Variants in ASTN2 observed in about 807,000 individuals in gnomAD.
ASTN2 encodes the protein astrotactin-2.
In ASTN2, 54 loss-of-function variants were observed where a neutral mutation model predicts 139.8. The ratio of observed to expected loss-of-function variants is 0.39; its 90% CI spans 0.31 to 0.48. The LOEUF (loss-of-function observed/expected upper bound fraction) is 0.48, where lower values mean the gene tolerates loss of function less well. ASTN2 is among the 20% of genes least tolerant of loss of function. The probability of loss-of-function intolerance (pLI) is 0.95; values close to 1 mark genes in which losing one functional copy is unlikely to be tolerated. For missense variants in ASTN2, 1,565 were observed against 1,725.1 expected (o/e 0.91, Z 1.64); for synonymous variants, 756 against 719.5 (o/e 1.05, Z -0.81).
At chr9:117,052,222 T>C (rs1484872832) in intron 5 of ASTN2, among the ~76,000 whole-genome samples, 1 of 151,914 alleles carries the variant, frequency 6.6e-6, no homozygotes, top group African/African-American at 2.4e-5. Context: ...GGGCGGATCA[T>C]GAGGTCAGGA....
At chr9:117,298,724 G>C (rs1834802201) in intron 1 of ASTN2, among the ~76,000 whole-genome samples, 2 of 145,480 alleles carry the variant, frequency 1.4e-5, no homozygotes, top group Non-Finnish European at 3.0e-5. Context: ...GTGTGTGTGT[G>C]TGTGTGTGTA....
At chr9:116,475,820 A>T (rs2119031613) in intron 20 of ASTN2, among the ~76,000 whole-genome samples, 1 of 152,222 alleles carries the variant, frequency 6.6e-6, no homozygotes, top group Admixed American at 6.5e-5. Context: ...ATGGAGCCCA[A>T]CTTGGATGAT....
At chr9:117,022,469 AC>A (rs1168889141) in intron 6 of ASTN2, among the ~76,000 whole-genome samples, 1 of 151,894 alleles carries the variant, frequency 6.6e-6, no homozygotes, top group Admixed American at 6.6e-5. Flanking sequence ...AAAACAAAAA[AC>A]AAAAAAACAA....
chr9:117,288,517 G>T (rs1193240232), intron 2 of ASTN2, among the ~76,000 whole-genome samples: 1 of 152,228 alleles, frequency 6.6e-6, no homozygotes, highest in Non-Finnish European at 1.5e-5. Context: ...TCAGGGCCAT[G>T]ATGTCATGAA....
Position 116,487,688 on chromosome 9 carries a change from C to T in ASTN2, c.3356-188G>A, listed in dbSNP as rs16933596. Among the ~76,000 whole-genome samples the T allele has an allele frequency of 0.016, 2,447 of 152,202 alleles. 275 individuals are homozygous for T. In the South Asian group the frequency reaches 0.26, roughly 16 times the overall value. On this transcript the variant is annotated intron_variant, in intron 19 of 22. Coordinates refer to ENST00000313400, the MANE Select transcript of ASTN2 (RefSeq NM_001365068.1). Reference sequence around the variant, plus strand: ...TGATGACTCTTTGTTCATATTTATGCGCAATTTTTTCATCCATAAAGTGGA... The same window carrying T: ...TGATGACTCTTTGTTCATATTTATGTGCAATTTTTTCATCCATAAAGTGGA...
At chr9:117,183,569 G>T (rs903813007) in intron 3 of ASTN2, among the ~76,000 whole-genome samples, 1 of 152,160 alleles carries the variant, frequency 6.6e-6, no homozygotes, top group Non-Finnish European at 1.5e-5. Flanking sequence ...TTACTAATTT[G>T]CCCAAGGTTA....
Position 117,325,603 on chromosome 9 carries a change from C to T in ASTN2, c.443-34090G>A, listed in dbSNP as rs1828488129. 1.3e-5 allele frequency among the ~76,000 whole-genome samples: 2 copies of T among 152,104 alleles called. 1 individual carries two copies. Among genetic ancestry groups the T allele is most frequent in the South Asian group, 4.1e-4 (2 of 4,820 alleles). Reference sequence around the variant, plus strand: ...TCATCAATTCCCCCATAATTACCTGCTGTGTGTCCTCACGGAGACTGATAA... The same window carrying T: ...TCATCAATTCCCCCATAATTACCTGTTGTGTGTCCTCACGGAGACTGATAA... On this transcript the variant is annotated intron_variant, in intron 1 of 22. Coordinates refer to ENST00000313400, the MANE Select transcript of ASTN2 (RefSeq NM_001365068.1).
chr9:116,733,778 T>C (rs1261137393), intron 13 of ASTN2, among the ~76,000 whole-genome samples: 2 of 152,192 alleles, frequency 1.3e-5, no homozygotes, highest in African/African-American at 2.4e-5. Context: ...ACTGTTCCTC[T>C]CAGAACCTCA....
intron 12 of ASTN2, among the ~76,000 whole-genome samples, chr9:116,820,247 C>A (rs1047034930): frequency 2.6e-5 from 4 of 152,170 alleles, no homozygotes; most frequent in African/African-American, 9.7e-5. Context: ...ATACCTGAAG[C>A]CTTTGTGAAC....
At chr9:117,335,317 C>T (rs151206326) in intron 1 of ASTN2, among the ~76,000 whole-genome samples, 1 of 152,260 alleles carries the variant, frequency 6.6e-6, no homozygotes, top group East Asian at 1.9e-4. Context: ...GAAATGATAT[C>T]TCCAAATTGC....
intron 5 of ASTN2, among the ~76,000 whole-genome samples, chr9:117,046,497 A>T (rs1393475415): frequency 6.6e-6 from 1 of 152,196 alleles, no homozygotes; most frequent in Non-Finnish European, 1.5e-5. Flanking sequence ...ACCATGTCTG[A>T]CATATACTTA....
chr9:117,296,331 A>AATT (rs1834737394), intron 1 of ASTN2, among the ~76,000 whole-genome samples: 1 of 151,124 alleles, frequency 6.6e-6, no homozygotes, highest in Non-Finnish European at 1.5e-5. Flanking sequence ...AAAGAAATGT[A>AATT]ATTCACACAC....
chr9:117,305,669 A>G (rs1834980208), intron 1 of ASTN2, among the ~76,000 whole-genome samples: 1 of 152,268 alleles, frequency 6.6e-6, no homozygotes, highest in African/African-American at 2.4e-5. Context: ...GTATCACAGT[A>G]CCTAGACAGT....
At chr9:116,732,393 C>A (rs185568558) in intron 14 of ASTN2, among the ~76,000 whole-genome samples, 1 of 152,200 alleles carries the variant, frequency 6.6e-6, no homozygotes, top group African/African-American at 2.4e-5. Context: ...TTAGATGACT[C>A]TTTTGAGGTT....
chr9:117,030,762 A>G (rs1187056341), intron 6 of ASTN2, among the ~76,000 whole-genome samples: 1 of 152,084 alleles, frequency 6.6e-6, no homozygotes, highest in East Asian at 1.9e-4. Flanking sequence ...ATTTGAAGAA[A>G]AAAAAAAAAG....
chr9:116,442,380 T>G, intron 21 of ASTN2, 73 bp downstream of exon 21: 1 of 1,157,532 alleles, frequency 8.6e-7, no homozygotes, highest in South Asian at 1.2e-5. Context: ...TGTTTAATGA[T>G]TAGTGACTGT....
At chr9:116,451,817 A>C (rs564757726) in intron 20 of ASTN2, among the ~76,000 whole-genome samples, 5 of 114,046 alleles carry the variant, frequency 4.4e-5, no homozygotes, top group Non-Finnish European at 8.7e-5. Flanking sequence ...TAAATATATA[A>C]ATACTATGCA....
At position 116,487,403 on chromosome 9, in the gene ASTN2, G is replaced by C. The variant is rs1416642321; in HGVS notation, c.3453C>G (p.Ile1151Met). 1.2e-6 allele frequency: 2 copies of C among 1,613,962 alleles called. No homozygotes were observed. The highest frequency in any genetic ancestry group is 2.2e-5 in the East Asian group (1 of 44,882). The change falls in exon 20 of 23, where the codon ATC becomes ATG. Residue 1151 changes from isoleucine to methionine, a missense_variant. Ile to Met is a conservative substitution (Grantham distance 10). Coordinates refer to ENST00000313400, the MANE Select transcript of ASTN2 (RefSeq NM_001365068.1). ...RSHGEVPEVS[I>M]YSVIFKCLEP... ...CCAGACACTTGAAGATGACTGAGTA[G>C]ATACTGACTTCAGGGACCTCTCCAT...
Position 116,439,269 on chromosome 9 carries a change from C to T in ASTN2, c.3782+1340G>A, listed in dbSNP as rs1301594810. 1.3e-4 allele frequency among the ~76,000 whole-genome samples: 15 copies of T among 116,310 alleles called. 1 individual carries two copies. The South Asian group carries it at 4.3e-3, about 33-fold the overall frequency. The allele number at this position is 116,310 out of a possible 152,430, so 76.3% of individuals were successfully genotyped here. ...AGGCTGGAGTGCAGTGGCGGGATCTCGGCTCACTGCAAGCTCCGCCTCCCG... is the reference window on the plus strand; with the variant it reads ...AGGCTGGAGTGCAGTGGCGGGATCTTGGCTCACTGCAAGCTCCGCCTCCCG... On this transcript the variant is annotated intron_variant, in intron 22 of 22. Transcript: ENST00000313400.
Sources: gnomAD v4.1 joint callset for allele counts (sites outside exome capture counted in the v4.1 genomes callset) on GRCh38, gnomAD v4.1.1 for gene constraint, MANE v1.5 for transcripts, NCBI Gene and HGNC (gene_info 2026-07-23, HGNC 2026-07-21) for gene names.